The following TCF7L1 variants were observed in gnomAD, a reference collection of about 807,000 sequenced individuals.
TCF7L1 encodes transcription factor 7 like 1.
In TCF7L1, 18 loss-of-function variants were observed where a neutral mutation model predicts 63.7. The ratio of observed to expected loss-of-function variants is 0.28; its 90% confidence interval spans 0.20 to 0.42. The LOEUF is 0.42. TCF7L1 is among the 10% of genes least tolerant of loss of function. The pLI is 1.00. For synonymous variants in TCF7L1, 355 were observed against 340.9 expected (o/e 1.04, Z -0.46); for missense variants, 654 against 779.3 (o/e 0.84, Z 1.91).
intron 3 of TCF7L1, among the ~76,000 whole-genome samples, chr2:85,282,572 G>A (rs1681442995): frequency 1.3e-5 from 2 of 152,188 alleles, no homozygotes; most frequent in Non-Finnish European, 2.9e-5. Flanking sequence ...TACCGTGAGT[G>A]ATAATAACCT....
intron 3 of TCF7L1, among the ~76,000 whole-genome samples, chr2:85,235,961 AC>A (rs1423960076): frequency 2.6e-5 from 4 of 152,108 alleles, no homozygotes; most frequent in African/African-American, 9.7e-5. Flanking sequence ...GGAGTTCAAG[AC>A]CAGCTAAGCA....
chr2:85,215,973 T>G (rs1679693848), intron 3 of TCF7L1, among the ~76,000 whole-genome samples: 1 of 151,922 alleles, frequency 6.6e-6, no homozygotes. Context: ...GTGGTCAAAT[T>G]AGGGTTTTGA....
chr2:85,199,098 G>A (rs1413890275), intron 3 of TCF7L1, among the ~76,000 whole-genome samples: 3 of 152,192 alleles, frequency 2.0e-5, no homozygotes, highest in Non-Finnish European at 4.4e-5. Context: ...CTCTGCCAGT[G>A]CCAAGATGCT....
chr2:85,147,744 T>C lies in TCF7L1; in HGVS notation c.441+13294T>C, dbSNP rs1165551830. Among the ~76,000 whole-genome samples the C allele has an allele frequency of 2.6e-5, 4 of 152,266 alleles. No homozygotes were observed. In the South Asian group the frequency reaches 6.2e-4, roughly 24 times the overall value. ...TAAATCTATACACCATATGTAATAA[T>C]GGTGGGCATCTGTTTGGTGCCTTAG... On this transcript the variant is annotated intron_variant, in intron 3 of 11. Coordinates refer to ENST00000282111, the MANE Select transcript of TCF7L1 (RefSeq NM_031283.3).
At chr2:85,152,224 G>A (rs1678033250) in intron 3 of TCF7L1, among the ~76,000 whole-genome samples, 1 of 152,158 alleles carries the variant, frequency 6.6e-6, no homozygotes, top group South Asian at 2.1e-4. Context: ...ATTTCTAGAA[G>A]AAGCTCTGTC....
intron 3 of TCF7L1, among the ~76,000 whole-genome samples, chr2:85,140,070 C>G (rs957760569): frequency 6.6e-6 from 1 of 152,158 alleles, no homozygotes; most frequent in Non-Finnish European, 1.5e-5. Context: ...AAATAGGATT[C>G]TTGTCTGTAC....
At chr2:85,178,539 G>C (rs1357141224) in intron 3 of TCF7L1, among the ~76,000 whole-genome samples, 1 of 152,184 alleles carries the variant, frequency 6.6e-6, no homozygotes, top group African/African-American at 2.4e-5. Flanking sequence ...AGGCAGCGGG[G>C]CTGGAATCCT....
At chr2:85,225,986 A>G (rs528213510) in intron 3 of TCF7L1, among the ~76,000 whole-genome samples, 2 of 152,314 alleles carry the variant, frequency 1.3e-5, no homozygotes, top group East Asian at 3.9e-4. Flanking sequence ...TTTAGCATGA[A>G]ATGCTGTTGA....
Position 85,133,866 on chromosome 2 carries a change from A to G in TCF7L1, c.182A>G (p.Asp61Gly). The change falls in exon 1 of 12, where the codon GAC (aspartate) becomes GGC (glycine). Residue 61 changes from aspartate to glycine, a missense_variant. This residue lies in a region of TCF7L1 where 404 missense variants were observed against 454.8 expected (regional missense o/e 0.89). Coordinates refer to ENST00000282111, the MANE Select transcript of TCF7L1 (RefSeq NM_031283.3). The surrounding 1 kb of genome is among the most constrained non-coding windows in gnomAD (Gnocchi z 4.4). ...AGCGATAGCGCCTCGGCGCAGCGGG[A>G]CCTAGACGAGGTCAAGTCGTCCCTG... ...PSSDSASAQR[D>G]LDEVKSSLVN... 1 of 1,523,680 alleles carries G rather than the reference A, an allele frequency of 6.6e-7. No homozygotes were observed. Among genetic ancestry groups the G allele is most frequent in the Non-Finnish European group, 8.8e-7 (1 of 1,135,208 alleles). The allele number at this position is 1,523,680 out of a possible 1,614,324, so 94.4% of individuals were successfully genotyped here. A position where few individuals can be genotyped will look rare whatever the true frequency, so the allele number is the denominator to read the frequency against.
intron 3 of TCF7L1, among the ~76,000 whole-genome samples, chr2:85,138,301 A>T (rs944647708): frequency 6.6e-6 from 1 of 152,122 alleles, no homozygotes; most frequent in African/African-American, 2.4e-5. Context: ...AGTCTTGCTC[A>T]TATCCTGGGA....
chr2:85,138,791 A>G (rs564126309), intron 3 of TCF7L1, among the ~76,000 whole-genome samples: 48 of 152,294 alleles, frequency 3.2e-4, no homozygotes, highest in African/African-American at 1.1e-3. Context: ...CAAAACATAC[A>G]CACACACCCC....
intron 3 of TCF7L1, among the ~76,000 whole-genome samples, chr2:85,154,655 C>T (rs1189950359): frequency 1.3e-5 from 2 of 152,162 alleles, no homozygotes; most frequent in Non-Finnish European, 1.5e-5. Context: ...ATTTCACTGT[C>T]GGTAAATATG....
At chr2:85,163,424 C>G (rs1463015873) in intron 3 of TCF7L1, among the ~76,000 whole-genome samples, 2 of 152,146 alleles carry the variant, frequency 1.3e-5, no homozygotes, top group East Asian at 3.9e-4. Context: ...ATCACCCAGT[C>G]ACATCATCCA....
At chr2:85,150,279 G>T (rs1195776134) in intron 3 of TCF7L1, among the ~76,000 whole-genome samples, 3 of 151,122 alleles carry the variant, frequency 2.0e-5, no homozygotes, top group South Asian at 2.1e-4. Context: ...TGTCGCCCGG[G>T]CTGGAGTGCA....
intron 3 of TCF7L1, among the ~76,000 whole-genome samples, chr2:85,245,904 G>A (rs1481181200): frequency 6.6e-6 from 1 of 151,832 alleles, no homozygotes; most frequent in African/African-American, 2.4e-5. Context: ...AACAGTTAAA[G>A]GATGGCCATG....
intron 4 of TCF7L1, among the ~76,000 whole-genome samples, chr2:85,300,745 C>T (rs1681951761): frequency 6.6e-6 from 1 of 152,010 alleles, no homozygotes; most frequent in Non-Finnish European, 1.5e-5. Flanking sequence ...GGAGTTGTAG[C>T]CCTTGGGTTA....
At chr2:85,243,718 G>A (rs1377454319) in intron 3 of TCF7L1, among the ~76,000 whole-genome samples, 2 of 152,206 alleles carry the variant, frequency 1.3e-5, no homozygotes, top group Non-Finnish European at 2.9e-5. Flanking sequence ...GGCTCAGGGT[G>A]AGAGGTGAAA....
intron 3 of TCF7L1, among the ~76,000 whole-genome samples, chr2:85,186,125 C>T (rs1193554969): frequency 6.6e-6 from 1 of 152,000 alleles, no homozygotes; most frequent in African/African-American, 2.4e-5. Context: ...TGCCACCACG[C>T]CTGGCTAGTT....
intron 5 of TCF7L1, 116 bp from the exon 6 acceptor site, chr2:85,303,779 G>C: frequency 1.4e-6 from 1 of 730,424 alleles, no homozygotes; most frequent in Non-Finnish European, 2.3e-6. Context: ...AATGACACAA[G>C]CACCTGCTAG....
Sources: allele counts gnomAD v4.1 joint callset (sites outside exome capture counted in the v4.1 genomes callset), GRCh38; gene constraint gnomAD v4.1.1; regional missense constraint gnomAD v4.1.1; non-coding constraint Gnocchi (gnomAD v3.1); transcripts MANE v1.5; gene names NCBI Gene and HGNC (gene_info 2026-07-23, HGNC 2026-07-21).